NAV3: variants seen among roughly 807,000 people sequenced by gnomAD.
NAV3 encodes the protein pore membrane and/or filament interacting like protein 1.
NAV3 carries 87 observed loss-of-function variants against 244.7 expected under a neutral mutation model. The observed-to-expected ratio is 0.36, with a 90% CI of 0.30 to 0.42. The LOEUF is 0.42. Among genes scored for constraint, NAV3 ranks in the 20% least tolerant of loss-of-function variants. The pLI is 1.00. For missense variants in NAV3, 2,663 were observed against 2,893.3 expected (o/e 0.92, Z 1.83); for synonymous variants, 1,126 against 1,042.2 (o/e 1.08, Z -1.55).
chr12:77,834,056 T>G (rs1874199642), intron 1 of NAV3, among the ~76,000 whole-genome samples: 1 of 152,158 alleles, frequency 6.6e-6, no homozygotes, highest in Non-Finnish European at 1.5e-5. Context: ...GCCATTTTTG[T>G]CTCTGCCTGC....
intron 9 of NAV3, among the ~76,000 whole-genome samples, chr12:78,033,014 GT>G (rs1244786314): frequency 6.6e-6 from 1 of 151,972 alleles, no homozygotes; most frequent in Non-Finnish European, 1.5e-5. Flanking sequence ...ATGTTCATAG[GT>G]GCTGGACTGG....
chr12:78,190,875 A>G (rs1163046212), intron 34 of NAV3, among the ~76,000 whole-genome samples: 1 of 152,170 alleles, frequency 6.6e-6, no homozygotes, highest in African/African-American at 2.4e-5. Context: ...TTTTCTGAGT[A>G]AAACAAAAAA....
rs1202976230 is a variant in NAV3, at chr12:78,059,060, A to G, written c.2581A>G (p.Thr861Ala). ...TCTGAACCGAATACCAGACACAGCA[A>G]CTTCCCGGGACATCATCCAGAGAGG... is the stretch of plus-strand genomic sequence containing the variant. ...RSLNRIPDTA[T>A]SRDIIQRGVH... Residue 861 changes from threonine (T) to alanine (A), a missense_variant, in exon 12 of 40, where the codon ACT becomes GCT. This residue lies in a region of NAV3 where 1,521 missense variants were observed against 1,497.0 expected (regional missense o/e 1.02). Transcript: ENST00000397909. 2.5e-6 allele frequency: 4 copies of G among 1,612,688 alleles called. No homozygotes were observed. Among genetic ancestry groups the G allele is most frequent in the South Asian group, 1.1e-5 (1 of 90,956 alleles).
intron 6 of NAV3, among the ~76,000 whole-genome samples, chr12:77,995,406 T>A (rs1872191365): frequency 6.6e-6 from 1 of 152,204 alleles, no homozygotes; most frequent in South Asian, 2.1e-4. Context: ...TAGTGCGTTA[T>A]ATACTGTTTG....
chr12:77,972,661 TA>T (rs532112210), intron 5 of NAV3, among the ~76,000 whole-genome samples: 4 of 151,954 alleles, frequency 2.6e-5, no homozygotes, highest in Admixed American at 1.3e-4. Context: ...TATAAAATGC[TA>T]AAAAAAATCG....
At chr12:77,735,825 A>G (rs1429229311) in intron 2 of NAV3, among the ~76,000 whole-genome samples, 2 of 152,190 alleles carry the variant, frequency 1.3e-5, no homozygotes, top group East Asian at 3.8e-4. Flanking sequence ...GCAATACATA[A>G]ATGCGCAACA....
chr12:78,198,897 A>G (rs886489739), intron 36 of NAV3, among the ~76,000 whole-genome samples: 3 of 140,708 alleles, frequency 2.1e-5, no homozygotes, highest in African/African-American at 7.8e-5. Flanking sequence ...CTGTAATCAG[A>G]TGTGTTTCTT....
upstream of NAV3, among the ~76,000 whole-genome samples, chr12:77,828,100 A>G (rs1489565603): frequency 6.6e-6 from 1 of 152,224 alleles, no homozygotes; most frequent in Non-Finnish European, 1.5e-5. Flanking sequence ...AATGGTATTA[A>G]GAGATGGAGA....
intron 1 of NAV3, among the ~76,000 whole-genome samples, chr12:77,894,440 G>A (rs1884326036): frequency 6.6e-6 from 1 of 152,106 alleles, no homozygotes; most frequent in South Asian, 2.1e-4. Flanking sequence ...AAATAAGCCA[G>A]AAATCTGGAA....
At chr12:77,801,456 G>GT (rs1398506116) in intron 2 of NAV3, among the ~76,000 whole-genome samples, 1 of 151,930 alleles carries the variant, frequency 6.6e-6, no homozygotes, top group Non-Finnish European at 1.5e-5. Flanking sequence ...AAAGAGGGGA[G>GT]TTTTTGTTTT....
intron 2 of NAV3, among the ~76,000 whole-genome samples, chr12:77,810,184 G>GTTTT (rs1872212914): frequency 6.6e-6 from 1 of 152,052 alleles, no homozygotes; most frequent in Admixed American, 6.5e-5. Context: ...GTGTTTGTTT[G>GTTTT]TTTTTGAGAC....
At chr12:78,179,163 CAT>C (rs1958390125) in intron 28 of NAV3, among the ~76,000 whole-genome samples, 3 of 151,976 alleles carry the variant, frequency 2.0e-5, no homozygotes, top group Admixed American at 6.6e-5. Flanking sequence ...AGAATAGTCA[CAT>C]GTTGCAAATA....
intron 5 of NAV3, among the ~76,000 whole-genome samples, chr12:77,980,838 A>G (rs1869430458): frequency 6.6e-6 from 1 of 152,164 alleles, no homozygotes; most frequent in African/African-American, 2.4e-5. Flanking sequence ...ATTCTCCTTT[A>G]TCTTGAAGTT....
chr12:78,176,895 C>A lies in NAV3; in HGVS notation c.5125-246C>A, dbSNP rs532825494. Among the ~76,000 whole-genome samples the A allele has an allele frequency of 3.3e-5, 5 of 152,154 alleles. No homozygotes were observed. In the South Asian group the frequency reaches 1.0e-3, roughly 32 times the overall value. ...TAAATGAGTGCTCTGACAGCCATGC[C>A]CTTGACCTTGCACTATTTAAAAGCC... On this transcript the variant is annotated intron_variant, in intron 26 of 39. Transcript: ENST00000397909.
At chr12:77,844,793 A>G (rs1876334392) in intron 1 of NAV3, among the ~76,000 whole-genome samples, 1 of 152,192 alleles carries the variant, frequency 6.6e-6, no homozygotes, top group Admixed American at 6.5e-5. Context: ...TGCATACAGC[A>G]TTACAGCAGC....
At chr12:78,057,822 A>G (rs141718115) in intron 11 of NAV3, among the ~76,000 whole-genome samples, 8 of 152,292 alleles carry the variant, frequency 5.3e-5, no homozygotes, top group African/African-American at 1.9e-4. Context: ...GCTCTGGTCT[A>G]CACTCAACCA....
At chr12:77,756,595 A>G (rs1043890854) in intron 2 of NAV3, among the ~76,000 whole-genome samples, 3 of 152,138 alleles carry the variant, frequency 2.0e-5, no homozygotes, top group Non-Finnish European at 4.4e-5. Flanking sequence ...TCCTAACTCT[A>G]TATTTTATGG....
chr12:78,146,476 C>T (rs1424791127), intron 21 of NAV3, 84 bp downstream of exon 21: 13 of 483,890 alleles, frequency 2.7e-5, no homozygotes, highest in African/African-American at 4.0e-5. Context: ...CACTAGAGGG[C>T]TCTGTGATAC....
chr12:77,647,234 A>G (rs1872640901), intron 2 of NAV3, among the ~76,000 whole-genome samples: 1 of 152,178 alleles, frequency 6.6e-6, no homozygotes, highest in Non-Finnish European at 1.5e-5. Flanking sequence ...CAAAAAGCTA[A>G]GCATGTAACT....
Sources: gnomAD v4.1 joint callset for allele counts (sites outside exome capture counted in the v4.1 genomes callset) on GRCh38, gnomAD v4.1.1 for gene constraint, gnomAD v4.1.1 regional missense constraint, MANE v1.5 for transcripts, NCBI Gene and HGNC (gene_info 2026-07-23, HGNC 2026-07-21) for gene names.